PCMTD2: variants seen among roughly 807,000 people sequenced by gnomAD.
The protein encoded by PCMTD2 is protein-L-isoaspartate O-methyltransferase domain-containing protein 2.
PCMTD2 carries 16 observed loss-of-function variants against 33.4 expected under a neutral mutation model. The ratio of observed to expected loss-of-function variants is 0.48; its 90% confidence interval spans 0.32 to 0.73. PCMTD2 has a LOEUF of 0.73. PCMTD2 is among the 30% of genes least tolerant of loss of function. The pLI is 0.03. For synonymous variants in PCMTD2, 161 were observed against 160.8 expected, an observed-to-expected ratio of 1.00 and a Z score of -0.01; for missense variants, 374 against 449.9, an observed-to-expected ratio of 0.83 and a Z score of 1.53.
Position 64,266,249 on chromosome 20 carries a change from ATATT to A in PCMTD2, c.582+843_582+846del, listed in dbSNP as rs375762835. Reference sequence around the variant, plus strand: ...ATGCCCAGATAAATTTATTTTTTAAATATTTATTTATTTATTTATTTATTTAGAG... The same window carrying A: ...ATGCCCAGATAAATTTATTTTTTAAATATTTATTTATTTATTTATTTAGAG... On this transcript the variant is annotated intron_variant, in intron 4 of 5. Coordinates refer to ENST00000308824, the MANE Select transcript of PCMTD2 (RefSeq NM_018257.3). 9.4e-4 allele frequency among the ~76,000 whole-genome samples: 143 copies of A among 151,492 alleles called. 1 individual carries two copies. The East Asian group carries it at 0.023, about 24-fold the overall frequency.
intron 2 of PCMTD2, among the ~76,000 whole-genome samples, chr20:64,261,972 G>T (rs1174257043): frequency 6.6e-6 from 1 of 152,216 alleles, no homozygotes; most frequent in Non-Finnish European, 1.5e-5. Context: ...GCCTGAAATG[G>T]TGGGGCGTGG....
chr20:64,265,399 A>G lies in PCMTD2; in HGVS notation c.552A>G (p.Gly184=). ...ACATGAAGAATCTTCTCAAAGTGGG[A>G]GGGATCCTTGTCATGCCACTGGAAG... ...EEYMKNLLKV[G]GILVMPLEEK... Residue 184 remains glycine, a synonymous_variant, in exon 4 of 6, where the codon GGA becomes GGG. Coordinates refer to ENST00000308824, the MANE Select transcript of PCMTD2 (RefSeq NM_018257.3). 2 of 1,612,632 alleles carry G rather than the reference A, an allele frequency of 1.2e-6. No individual in the cohort carries two copies. Among genetic ancestry groups the G allele is most frequent in the Non-Finnish European group, 1.7e-6 (2 of 1,179,384 alleles).
At chr20:64,261,611 TTC>T (rs995777705) in intron 2 of PCMTD2, among the ~76,000 whole-genome samples, 1 of 152,196 alleles carries the variant, frequency 6.6e-6, no homozygotes, top group African/African-American at 2.4e-5. Flanking sequence ...TGTTTTTTTT[TTC>T]TAAGTCTGTA....
intron 4 of PCMTD2, among the ~76,000 whole-genome samples, chr20:64,267,277 C>G (rs1332531984): frequency 1.3e-5 from 2 of 152,124 alleles, no homozygotes; most frequent in Non-Finnish European, 2.9e-5. Flanking sequence ...CCACCAGATT[C>G]CGGTGCTTTC....
At chr20:64,269,696 G>A (rs1304793456) in intron 5 of PCMTD2, among the ~76,000 whole-genome samples, 3 of 152,074 alleles carry the variant, frequency 2.0e-5, no homozygotes, top group Admixed American at 6.5e-5. Context: ...GTCAAAGTGA[G>A]TGTAGACGTG....
In PCMTD2 at chr20:64,267,916, A is replaced by C; in HGVS notation, c.612A>C (p.Ser204=). The part of the protein sequence containing the change: ...KLTKITRTGP[S]AWETKKILAV... Reference sequence around the variant, plus strand: ...CTAAGATAACACGCACAGGTCCTTCAGCTTGGGAAACCAAAAAGATTCTTG... The same window carrying C: ...CTAAGATAACACGCACAGGTCCTTCCGCTTGGGAAACCAAAAAGATTCTTG... Residue 204 remains serine, a synonymous_variant, in exon 5 of 6, where the codon TCA becomes TCC. Coordinates refer to ENST00000308824, the MANE Select transcript of PCMTD2 (RefSeq NM_018257.3). 1 of 1,613,756 alleles carries C rather than the reference A, an allele frequency of 6.2e-7. No individual in the cohort carries two copies. Among genetic ancestry groups the C allele is most frequent in the Non-Finnish European group, 8.5e-7 (1 of 1,179,634 alleles).
At chr20:64,269,558 C>T (rs1985799094) in intron 5 of PCMTD2, among the ~76,000 whole-genome samples, 2 of 152,134 alleles carry the variant, frequency 1.3e-5, no homozygotes, top group African/African-American at 4.8e-5. Context: ...GTTTCCTATA[C>T]TAGTAAATTC....
chr20:64,259,394 T>C (rs1985305769), intron 1 of PCMTD2, among the ~76,000 whole-genome samples: 1 of 145,462 alleles, frequency 6.9e-6, no homozygotes, highest in Non-Finnish European at 1.5e-5. Context: ...CTCTTTTTTT[T>C]TTTTTTTTTT....
At chr20:64,270,663 T>TA (rs1273418868) in intron 5 of PCMTD2, among the ~76,000 whole-genome samples, 1 of 152,184 alleles carries the variant, frequency 6.6e-6, no homozygotes, top group East Asian at 1.9e-4. Context: ...AGGCGAGAGA[T>TA]AAAGATAAAA....
At chr20:64,264,391 T>C in intron 2 of PCMTD2, 38 bp from the exon 3 acceptor site, 1 of 995,450 alleles carries the variant, frequency 1.0e-6, no homozygotes, top group Middle Eastern at 2.1e-4. Flanking sequence ...GAGTTCTTAC[T>C]CTGGTTCTAC....
chr20:64,256,756 A>G (rs1005660232), intron 1 of PCMTD2: 5 of 152,386 alleles, frequency 3.3e-5, no homozygotes, highest in African/African-American at 1.2e-4. Flanking sequence ...CCTCCAGTGG[A>G]ACTTGGCTGG....
intron 5 of PCMTD2, among the ~76,000 whole-genome samples, chr20:64,268,270 A>G (rs1222957782): frequency 1.3e-5 from 2 of 152,204 alleles, no homozygotes; most frequent in Non-Finnish European, 2.9e-5. Flanking sequence ...GGACGCACAT[A>G]AAAGGGAGCT....
intron 5 of PCMTD2, among the ~76,000 whole-genome samples, chr20:64,272,925 G>T (rs1985965337): frequency 6.6e-6 from 1 of 152,214 alleles, no homozygotes; most frequent in South Asian, 2.1e-4. Context: ...GCTGTGTCAG[G>T]AAGACAAATT....
At chr20:64,272,512 A>G (rs1985950991) in intron 5 of PCMTD2, among the ~76,000 whole-genome samples, 1 of 152,240 alleles carries the variant, frequency 6.6e-6, no homozygotes, top group Non-Finnish European at 1.5e-5. Context: ...TAACTATGAA[A>G]ATATTAACAG....
At chr20:64,258,414 A>AC (rs1351831748) in intron 1 of PCMTD2, among the ~76,000 whole-genome samples, 3 of 152,228 alleles carry the variant, frequency 2.0e-5, no homozygotes, top group African/African-American at 7.2e-5. Flanking sequence ...TAATGACTGG[A>AC]CCATCCTATT....
chr20:64,266,604 A>G (rs1985670452), intron 4 of PCMTD2, among the ~76,000 whole-genome samples: 1 of 152,154 alleles, frequency 6.6e-6, no homozygotes, highest in Non-Finnish European at 1.5e-5. Context: ...GCCTGGGCTG[A>G]TCACAAACTC....
intron 1 of PCMTD2, among the ~76,000 whole-genome samples, chr20:64,258,574 A>T (rs1985264894): frequency 6.6e-6 from 1 of 152,152 alleles, no homozygotes; most frequent in African/African-American, 2.4e-5. Context: ...CATTCCTGGG[A>T]AAACCTCCCA....
chr20:64,273,665 T>C lies in PCMTD2; in HGVS notation c.*65T>C, dbSNP rs1442338143. 3 of 1,437,710 alleles carry C rather than the reference T, an allele frequency of 2.1e-6. No individual in the cohort carries two copies. The African/African-American group carries it at 4.3e-5, about 21-fold the overall frequency. The allele number at this position is 1,437,710 out of a possible 1,614,324, so 89.1% of individuals were successfully genotyped here. ...CTGAGTGTGAAGTTCGTGCTGCCTG[T>C]GTGCTGTTGAAGGGTCACCTGGAGG... is the stretch of plus-strand genomic sequence containing the variant. On this transcript the variant is annotated 3_prime_UTR_variant, in exon 6 of 6. Transcript: ENST00000308824.
chr20:64,258,164 C>T (rs1255548897), intron 1 of PCMTD2, among the ~76,000 whole-genome samples: 2 of 152,214 alleles, frequency 1.3e-5, no homozygotes, highest in African/African-American at 4.8e-5. Flanking sequence ...GATTTTCCAG[C>T]TCTTTTCCTA....
Sources: allele counts gnomAD v4.1 joint callset (sites outside exome capture counted in the v4.1 genomes callset), GRCh38; gene constraint gnomAD v4.1.1; transcripts MANE v1.5; gene names NCBI Gene and HGNC (gene_info 2026-07-23, HGNC 2026-07-21).